The following ROBO1 variants were observed in gnomAD, a reference collection of about 807,000 sequenced individuals.
ROBO1 encodes roundabout guidance receptor 1.
In ROBO1, 149 loss-of-function variants were observed where a neutral mutation model predicts 195.9. The observed-to-expected ratio is 0.76, with a 90% CI of 0.67 to 0.87. ROBO1 has a LOEUF of 0.87. Ranked by LOEUF, ROBO1 falls within the 40% of genes least tolerant of loss-of-function variation. The pLI, the probability that ROBO1 is intolerant of heterozygous loss-of-function variation, is 0.00. For missense variants in ROBO1, 1,933 were observed against 2,068.3 expected, an observed-to-expected ratio of 0.93 and a Z score of 1.27; for synonymous variants, 816 against 733.2, an observed-to-expected ratio of 1.11 and a Z score of -1.82.
At chr3:79,486,194 A>T (rs2107417768) in intron 2 of ROBO1, among the ~76,000 whole-genome samples, 1 of 152,006 alleles carries the variant, frequency 6.6e-6, no homozygotes, top group South Asian at 2.1e-4. Context: ...TCTTTTTTTT[A>T]AGTTTATAAT....
intron 3 of ROBO1, among the ~76,000 whole-genome samples, chr3:79,073,492 C>A (rs567718999): frequency 6.6e-6 from 1 of 151,892 alleles, no homozygotes; most frequent in African/African-American, 2.4e-5. Flanking sequence ...CCAATTATCC[C>A]AAGACAGTGC....
chr3:79,758,877 T>C (rs930692738), intron 1 of ROBO1, among the ~76,000 whole-genome samples: 1 of 152,176 alleles, frequency 6.6e-6, no homozygotes, highest in Non-Finnish European at 1.5e-5. Flanking sequence ...AAGCACACAA[T>C]AAATTTGTTC....
At chr3:79,290,682 C>CCA (rs2032191992) in intron 2 of ROBO1, among the ~76,000 whole-genome samples, 1 of 152,036 alleles carries the variant, frequency 6.6e-6, no homozygotes, top group East Asian at 2.0e-4. Context: ...AGAACAAATC[C>CCA]CACAACCTTC....
chr3:79,144,979 A>G (rs1451805074), intron 2 of ROBO1, among the ~76,000 whole-genome samples: 1 of 152,018 alleles, frequency 6.6e-6, no homozygotes, highest in East Asian at 1.9e-4. Context: ...TACAACTATA[A>G]AGACCTGGAC....
intron 28 of ROBO1, among the ~76,000 whole-genome samples, chr3:78,610,194 T>C (rs977663960): frequency 6.6e-6 from 1 of 152,206 alleles, no homozygotes; most frequent in African/African-American, 2.4e-5. Flanking sequence ...TTTTTTTGTC[T>C]TGCAAGATAG....
intron 2 of ROBO1, among the ~76,000 whole-genome samples, chr3:79,445,355 T>C (rs2039206100): frequency 6.6e-6 from 1 of 151,898 alleles, no homozygotes. Context: ...TGATGAAAAC[T>C]ACAACAATTG....
At chr3:79,663,196 C>G (rs1946382076) in intron 1 of ROBO1, among the ~76,000 whole-genome samples, 1 of 151,934 alleles carries the variant, frequency 6.6e-6, no homozygotes, top group Non-Finnish European at 1.5e-5. Flanking sequence ...CGAACCTTAT[C>G]ACTCTGATAA....
chr3:79,699,095 A>G (rs1197319521), intron 1 of ROBO1, among the ~76,000 whole-genome samples: 1 of 149,724 alleles, frequency 6.7e-6, no homozygotes, highest in African/African-American at 2.4e-5. Flanking sequence ...ATATATATAT[A>G]TATGACATTA....
chr3:78,734,400 A>C (rs895436960), intron 5 of ROBO1, among the ~76,000 whole-genome samples: 21 of 146,648 alleles, frequency 1.4e-4, no homozygotes, highest in Non-Finnish European at 2.4e-4. Flanking sequence ...ACCGCCACAA[A>C]AAAAAAAAAA....
intron 1 of ROBO1, among the ~76,000 whole-genome samples, chr3:79,591,607 T>C (rs543960522): frequency 4.9e-4 from 75 of 152,044 alleles, no homozygotes; most frequent in Middle Eastern, 6.8e-3. Context: ...ACTGATATTA[T>C]ATAACTACAT....
At chr3:79,121,333 T>C (rs1283099802) in intron 3 of ROBO1, among the ~76,000 whole-genome samples, 1 of 152,130 alleles carries the variant, frequency 6.6e-6, no homozygotes, top group Non-Finnish European at 1.5e-5. Context: ...TCATCAATTG[T>C]TTCTTGTTGA....
At chr3:78,852,615 A>G (rs186950582) in intron 4 of ROBO1, among the ~76,000 whole-genome samples, 42 of 152,288 alleles carry the variant, frequency 2.8e-4, no homozygotes, top group Non-Finnish European at 6.2e-4. Context: ...TATTTTAGCA[A>G]TGAGAAGGAA....
rs192441240 is a variant in ROBO1, at chr3:79,314,101, A to G, written c.89-188562T>C. 3.6e-3 allele frequency among the ~76,000 whole-genome samples: 550 copies of G among 152,288 alleles called. 7 individuals carry two copies. Among genetic ancestry groups the G allele is most frequent in the Non-Finnish European group, 2.8e-3 (192 of 68,022 alleles). ...TGTCCTTCTGTGATTTCCTGATTCTATCTAGGTCTCATGCTCCTCCTTTAA... is the reference window on the plus strand; with the variant it reads ...TGTCCTTCTGTGATTTCCTGATTCTGTCTAGGTCTCATGCTCCTCCTTTAA... On this transcript the variant is annotated intron_variant, in intron 2 of 30. Transcript: ENST00000464233.
At chr3:79,135,698 TGCGACCTCA>T (rs1037711324) in intron 2 of ROBO1, among the ~76,000 whole-genome samples, 14 of 151,864 alleles carry the variant, frequency 9.2e-5, no homozygotes, top group African/African-American at 3.1e-4. Flanking sequence ...AGTGCAATGG[TGCGACCTCA>T]GCTCACCGCA....
rs1575836945 is a variant in ROBO1 at position 79,446,670 on chromosome 3, T to C, written c.88+143154A>G. 2.0e-5 allele frequency among the ~76,000 whole-genome samples: 3 copies of C among 152,192 alleles called. No individual in the cohort carries two copies. The East Asian group carries it at 5.8e-4, about 29-fold the overall frequency. On this transcript the variant is annotated intron_variant, in intron 2 of 30. Coordinates refer to ENST00000464233, the MANE Select transcript of ROBO1 (RefSeq NM_002941.4). ...TTATTACAATATACCTCAGTGCACT[T>C]TTAAAAGATCAGAAGTGGGTATGAA...
At chr3:78,785,251 A>G (rs2083796548) in intron 4 of ROBO1, among the ~76,000 whole-genome samples, 1 of 152,212 alleles carries the variant, frequency 6.6e-6, no homozygotes. Context: ...TTTAATCTGT[A>G]AAACAATTAG....
intron 2 of ROBO1, among the ~76,000 whole-genome samples, chr3:79,313,122 G>C (rs557940832): frequency 6.6e-6 from 1 of 150,692 alleles, no homozygotes; most frequent in Non-Finnish European, 1.5e-5. Flanking sequence ...AGGAGGCAGA[G>C]CTTGCAGTGA....
chr3:78,651,684 A>G (rs377104151), intron 19 of ROBO1, 48 bp downstream of exon 19: 5 of 1,372,858 alleles, frequency 3.6e-6, no homozygotes, highest in Non-Finnish European at 4.9e-6. Context: ...TATTAAAATC[A>G]AGAGTTTTAT....
chr3:78,923,889 A>G (rs1348606911), intron 4 of ROBO1, among the ~76,000 whole-genome samples: 1 of 152,138 alleles, frequency 6.6e-6, no homozygotes, highest in East Asian at 1.9e-4. Flanking sequence ...TGAATGAGCT[A>G]TGTTTTCAAA....
Sources: allele counts gnomAD v4.1 joint callset (sites outside exome capture counted in the v4.1 genomes callset), GRCh38; gene constraint gnomAD v4.1.1; transcripts MANE v1.5; gene names NCBI Gene and HGNC (gene_info 2026-07-23, HGNC 2026-07-21).